CEP131: variants seen among roughly 807,000 people sequenced by gnomAD.
CEP131 encodes the protein centrosomal protein 131, also known as centrosomal protein of 131 kDa.
In CEP131, 99 loss-of-function variants were observed where a neutral mutation model predicts 136.8. The observed-to-expected ratio is 0.72, with a 90% confidence interval of 0.62 to 0.86. CEP131 has a LOEUF of 0.86. CEP131 is among the 40% of genes least tolerant of loss of function. The pLI, the probability that CEP131 is intolerant of heterozygous loss-of-function variation, is 0.00. For synonymous variants in CEP131, 646 were observed against 612.7 expected (o/e 1.05, Z -0.80); for missense variants, 1,459 against 1,463.0 (o/e 1.00, Z 0.04).
rs1227147759 is a variant in CEP131 at position 81,219,915 on chromosome 17, C to T, written c.142G>A (p.Val48Met). The T allele has an allele frequency of 1.1e-5, 18 of 1,610,656 alleles. No individual in the cohort carries two copies. The highest frequency in any genetic ancestry group is 1.7e-4 in the Middle Eastern group (1 of 6,056). The part of the protein sequence containing the change: ...TTKPIVRSVS[V>M]VTGSEQKRKV... ...CTCTTCTGCTCGCTGCCTGTGACCACGGAGACAGAGCGGACGATGGGCTTG... is the reference window on the plus strand; with the variant it reads ...CTCTTCTGCTCGCTGCCTGTGACCATGGAGACAGAGCGGACGATGGGCTTG... Residue 48 changes from valine to methionine, a missense_variant, in exon 2 of 26, where the codon GTG (valine) becomes ATG (methionine). Val to Met is a conservative substitution (Grantham distance 21). Around this residue, in one of 3 missense-constraint regions of CEP131, gnomAD observed 187 missense variants for 179.9 expected, o/e 1.04. Coordinates refer to ENST00000450824, the MANE Select transcript of CEP131 (RefSeq NM_014984.4). The surrounding 1 kb of genome is among the most constrained non-coding windows in gnomAD (Gnocchi z 4.0).
At chr17:81,220,981 C>T (rs8072746) in intron 1 of CEP131, among the ~76,000 whole-genome samples, 64,429 of 151,188 alleles carry the variant, frequency 0.43, 14,070 homozygotes, top group Non-Finnish European at 0.47. Flanking sequence ...AAAAATTAGC[C>T]GGGCGTGGTG....
chr17:81,192,662 G>C (rs553402175), intron 19 of CEP131, 69 bp from the exon 20 acceptor site: 1 of 1,393,418 alleles, frequency 7.2e-7, no homozygotes, highest in East Asian at 2.4e-5. Flanking sequence ...AGAGGTCAGC[G>C]GGTGAGGGGG....
At chr17:81,201,928 C>G (rs987289663) in intron 7 of CEP131, among the ~76,000 whole-genome samples, 2 of 151,976 alleles carry the variant, frequency 1.3e-5, no homozygotes, top group Non-Finnish European at 2.9e-5. Flanking sequence ...GGTGAAACCC[C>G]GTCTCTACTA....
intron 18 of CEP131, among the ~76,000 whole-genome samples, 183 bp downstream of exon 18, chr17:81,193,743 G>A (rs1316902038): frequency 6.6e-6 from 1 of 152,324 alleles, no homozygotes; most frequent in East Asian, 1.9e-4. Context: ...CAAGCCCGAG[G>A]ACACTGGCCC....
At chr17:81,206,693 C>T in intron 5 of CEP131, 51 bp downstream of exon 5, 4 of 1,567,606 alleles carry the variant, frequency 2.6e-6, no homozygotes, top group Non-Finnish European at 8.6e-7. Context: ...ACAGTCTCCA[C>T]TCCAGGAGCT....
At chr17:81,205,804 G>T (rs1030957547) in intron 5 of CEP131, among the ~76,000 whole-genome samples, 9 of 152,084 alleles carry the variant, frequency 5.9e-5, no homozygotes, top group Non-Finnish European at 1.0e-4. Context: ...AAGGCTGAAG[G>T]GGGAGGATCT....
intron 5 of CEP131, 136 bp downstream of exon 5, chr17:81,206,608 C>G: frequency 7.9e-7 from 1 of 1,263,246 alleles, no homozygotes; most frequent in South Asian, 1.5e-5. Flanking sequence ...GGAATGAAAG[C>G]CATTCTTTCA....
intron 2 of CEP131, among the ~76,000 whole-genome samples, chr17:81,213,420 G>A (rs1475300469): frequency 6.6e-6 from 1 of 152,136 alleles, no homozygotes; most frequent in African/African-American, 2.4e-5. Context: ...TTAGTCAGGT[G>A]TGGTGGCACA....
intron 10 of CEP131, 135 bp downstream of exon 10, chr17:81,199,246 G>A (rs1430845256): frequency 2.6e-5 from 29 of 1,095,060 alleles, no homozygotes; most frequent in Non-Finnish European, 3.3e-5. Context: ...GGGGGCCAAG[G>A]CCCCTAACTC....
rs556177324 is a variant in CEP131, at chr17:81,198,168, C to T, written c.1417G>A (p.Val473Met). Residue 473 changes from valine (V) to methionine (M), a missense_variant, in exon 12 of 26, where the codon GTG (valine) becomes ATG (methionine). This residue lies in a region of CEP131 where 1,026 missense variants were observed against 964.2 expected (regional missense o/e 1.06). Coordinates refer to ENST00000450824, the MANE Select transcript of CEP131 (RefSeq NM_014984.4). ...TGATGGGTCCTGGGGCGGGGCAGCA[C>T]GTCCGGCTCCTTCTCCAGCAGCTGC... is the stretch of plus-strand genomic sequence containing the variant. ...TLQLLEKEPD[V>M]LPRPRTHHRG... is the part of the protein sequence containing the mutation. 96 of 1,576,058 alleles carry T rather than the reference C, an allele frequency of 6.1e-5. No individual in the cohort carries two copies. Among genetic ancestry groups the T allele is most frequent in the South Asian group, 5.5e-4 (48 of 86,828 alleles).
In CEP131 at chr17:81,207,119, C is replaced by A. The variant is rs768106631; in HGVS notation, c.387+6G>T. On this transcript the variant is annotated splice_donor_region_variant and intron_variant, in intron 4 of 25. Transcript: ENST00000450824. ...CCAGGACGTGGGGCCGCATGCACCA[C>A]CTTACCAGGACGTTCCAGGTGGCTC... The A allele has an allele frequency of 1.2e-6, 2 of 1,610,392 alleles. No individual in the cohort carries two copies. The highest frequency in any genetic ancestry group is 1.7e-6 in the Non-Finnish European group (2 of 1,179,018).
In CEP131 at chr17:81,189,817, C is replaced by T. The variant is rs376847326; in HGVS notation, c.3195G>A (p.Leu1065=). 6.2e-7 allele frequency: 1 copy of T among 1,611,740 alleles called. No individual in the cohort carries two copies. Among genetic ancestry groups the T allele is most frequent in the African/African-American group, 1.3e-5 (1 of 75,034 alleles). Residue 1065 remains leucine, a synonymous_variant, in exon 26 of 26, where the codon CTG becomes CTA. Coordinates refer to ENST00000450824, the MANE Select transcript of CEP131 (RefSeq NM_014984.4). Reference sequence around the variant, plus strand: ...TCCTGTGCTGCTCCAGCAGCTCCTCCAGGTGGTCGGCCCGCTTCACCGCAG... The same window carrying T: ...TCCTGTGCTGCTCCAGCAGCTCCTCTAGGTGGTCGGCCCGCTTCACCGCAG... ...HEAAVKRADH[L]EELLEQHRRP...
intron 2 of CEP131, among the ~76,000 whole-genome samples, chr17:81,214,958 T>C (rs1320888414): frequency 6.6e-6 from 1 of 151,674 alleles, no homozygotes; most frequent in African/African-American, 2.4e-5. Flanking sequence ...TTTGTATTTT[T>C]AGTAGAGATG....
rs1396705285 is a variant in CEP131, at chr17:81,203,730, G to C, written c.516-123C>G. 1 of 717,482 alleles carries C rather than the reference G, an allele frequency of 1.4e-6. No individual in the cohort carries two copies. Among genetic ancestry groups the C allele is most frequent in the African/African-American group, 1.8e-5 (1 of 56,518 alleles). 44.4% of individuals were successfully genotyped at this position (717,482 alleles called of 1,614,324 possible). Reference sequence around the variant, plus strand: ...GGCCTTCAGTGCTTGCTACGTGCTGGCAGCATTGTCGTCCAGTGTCCCCAG... The same window carrying C: ...GGCCTTCAGTGCTTGCTACGTGCTGCCAGCATTGTCGTCCAGTGTCCCCAG... On this transcript the variant is annotated intron_variant, in intron 5 of 25. Coordinates refer to ENST00000450824, the MANE Select transcript of CEP131 (RefSeq NM_014984.4). This position sits in a 1 kb window ranked among gnomAD's most constrained non-coding sequence, Gnocchi z 4.6.
chr17:81,221,710 G>A (rs2062392426), intron 1 of CEP131, among the ~76,000 whole-genome samples: 1 of 152,114 alleles, frequency 6.6e-6, no homozygotes, highest in Non-Finnish European at 1.5e-5. Flanking sequence ...TCCTGTGGCC[G>A]CACACAGTTG....
intron 11 of CEP131, 74 bp from the exon 12 acceptor site, chr17:81,198,371 C>T (rs1226659281): frequency 1.4e-5 from 21 of 1,449,596 alleles, no homozygotes; most frequent in South Asian, 2.7e-5. Flanking sequence ...GGAGGCCAAC[C>T]GCAGAGCCCC....
At chr17:81,201,701 C>T (rs1305254215) in intron 7 of CEP131, among the ~76,000 whole-genome samples, 1 of 152,136 alleles carries the variant, frequency 6.6e-6, no homozygotes, top group African/African-American at 2.4e-5. Flanking sequence ...CTGGAGGAGC[C>T]CTCTCTGCCA....
In CEP131 at chr17:81,198,957, C is replaced by T. The variant is rs779272133; in HGVS notation, c.1207G>A (p.Ala403Thr). The change falls in exon 11 of 26, where the codon GCT becomes ACT. Residue 403 changes from alanine to threonine, a missense_variant. Physicochemically the swap from Ala to Thr is moderately conservative, Grantham distance 58. Around this residue, in one of 3 missense-constraint regions of CEP131, gnomAD observed 1,026 missense variants for 964.2 expected, o/e 1.06. Transcript: ENST00000450824. ...AGGCAGCGGTCTCCGGGGCCTGCAG[C>T]AGGGAGGCCACCACCTGCACAGCAG... ...KANNTGGGLP[A>T]AGPGDRCLPT... 3 of 1,573,432 alleles carry T rather than the reference C, an allele frequency of 1.9e-6. No individual in the cohort carries two copies. In the South Asian group the frequency reaches 3.5e-5, roughly 18 times the overall value.
Position 81,200,328 on chromosome 17 carries a change from C to A in CEP131, c.906+1G>T, listed in dbSNP as rs771790731. Reference sequence around the variant, plus strand: ...GGAGTGACTGAGACGCCCACACTGACCTCCCGCTTGGCCTGAAGCAAGTGC... The same window carrying A: ...GGAGTGACTGAGACGCCCACACTGAACTCCCGCTTGGCCTGAAGCAAGTGC... On this transcript the variant is annotated splice_donor_variant, in intron 8 of 25. Transcript: ENST00000450824. LOFTEE classifies it high-confidence loss of function. The A allele has an allele frequency of 1.9e-6, 3 of 1,601,568 alleles. No individual in the cohort carries two copies. Among genetic ancestry groups the A allele is most frequent in the Non-Finnish European group, 2.6e-6 (3 of 1,174,550 alleles).
Sources: gnomAD v4.1 joint callset for allele counts (sites outside exome capture counted in the v4.1 genomes callset) on GRCh38, gnomAD v4.1.1 for gene constraint, gnomAD v4.1.1 regional missense constraint, Gnocchi (gnomAD v3.1) non-coding constraint, MANE v1.5 for transcripts, NCBI Gene and HGNC (gene_info 2026-07-23, HGNC 2026-07-21) for gene names.